Variants in STK3 observed in about 807,000 individuals in gnomAD.
STK3 encodes the protein serine/threonine kinase 3.
STK3 carries 41 observed loss-of-function variants against 58.0 expected under a neutral mutation model. The observed-to-expected ratio is 0.71, with a 90% CI of 0.55 to 0.92. The LOEUF is 0.92. Ranked by LOEUF, STK3 falls within the 40% of genes least tolerant of loss-of-function variation. The pLI is 0.00. For missense variants in STK3, 479 were observed against 602.7 expected, an observed-to-expected ratio of 0.79 and a Z score of 2.15; for synonymous variants, 170 against 191.0, an observed-to-expected ratio of 0.89 and a Z score of 0.91.
At chr8:98,400,314 C>A (rs753682729), downstream of STK3, among the ~76,000 whole-genome samples, 7 of 152,218 alleles carry the variant, frequency 4.6e-5, no homozygotes, top group Non-Finnish European at 8.8e-5. Context: ...AAGCCCAGAG[C>A]AAGGCAACAG....
At chr8:98,396,023 ATGT>A (rs1049944649) in intron 3 of STK3, among the ~76,000 whole-genome samples, 45 of 152,362 alleles carry the variant, frequency 3.0e-4, no homozygotes, top group African/African-American at 1.1e-3. Context: ...CTTCAGTGAA[ATGT>A]TGTGTATTAA....
chr8:98,696,615 C>A lies in STK3; in HGVS notation c.684+9852G>T, dbSNP rs1824965871. ...CCTTTTCTGCATCTATTGAGATAAT[C>A]ATGTGGTTTTTGTCTTTCGTTCTGT... is the stretch of plus-strand genomic sequence containing the variant. On this transcript the variant is annotated intron_variant, in intron 6 of 10. Coordinates refer to ENST00000419617, the MANE Select transcript of STK3 (RefSeq NM_006281.4). 3.3e-5 allele frequency among the ~76,000 whole-genome samples: 5 copies of A among 152,188 alleles called. No homozygotes were observed. In the South Asian group the frequency reaches 8.3e-4, roughly 25 times the overall value.
intron 3 of STK3, among the ~76,000 whole-genome samples, chr8:98,866,585 A>C (rs1283896093): frequency 6.6e-6 from 1 of 152,202 alleles, no homozygotes; most frequent in Non-Finnish European, 1.5e-5. Context: ...GAGTTTATTG[A>C]ATACGTACCG....
At chr8:98,415,768 C>T (rs1818108186) in intron 3 of STK3, among the ~76,000 whole-genome samples, 1 of 152,198 alleles carries the variant, frequency 6.6e-6, no homozygotes, top group Non-Finnish European at 1.5e-5. Context: ...TCCAGGCTAA[C>T]TGAACAGATG....
chr8:98,445,255 C>T (rs985636963), intron 1 of STK3, among the ~76,000 whole-genome samples: 2 of 152,088 alleles, frequency 1.3e-5, no homozygotes, highest in Admixed American at 6.5e-5. Flanking sequence ...AATGGATATA[C>T]ATTTCATTTA....
intron 6 of STK3, among the ~76,000 whole-genome samples, chr8:98,672,941 G>T (rs1263012246): frequency 6.6e-6 from 1 of 151,694 alleles, no homozygotes; most frequent in Non-Finnish European, 1.5e-5. Context: ...ATACTTCAAG[G>T]GATTCAAGAA....
At chr8:98,638,159 C>T (rs1289836735) in intron 6 of STK3, among the ~76,000 whole-genome samples, 2 of 152,078 alleles carry the variant, frequency 1.3e-5, no homozygotes, top group Non-Finnish European at 2.9e-5. Context: ...TGCTTTCATA[C>T]AAAAAACCTA....
chr8:98,582,268 T>C (rs1813973119), intron 7 of STK3, among the ~76,000 whole-genome samples: 1 of 152,056 alleles, frequency 6.6e-6, no homozygotes, highest in Non-Finnish European at 1.5e-5. Flanking sequence ...GGTACATTCA[T>C]CTTTTTCTTG....
chr8:98,656,777 T>A lies in STK3; in HGVS notation c.684+49690A>T, dbSNP rs530877903. On this transcript the variant is annotated intron_variant, in intron 6 of 10. Transcript: ENST00000419617. ...GAAAGATTTATTGTTTATAACTGTT[T>A]CTTCTTCATAATCTTTCAAGGCCTC... Among the ~76,000 whole-genome samples, 21 of 152,252 alleles carry A rather than the reference T, an allele frequency of 1.4e-4. No individual in the cohort carries two copies. In the South Asian group the frequency reaches 4.3e-3, roughly 32 times the overall value.
At chr8:98,846,856 T>TACACACACACACACACACAC (rs374739035) in intron 3 of STK3, among the ~76,000 whole-genome samples, 149 of 143,404 alleles carry the variant, frequency 1.0e-3, no homozygotes, top group African/African-American at 3.6e-3. Context: ...TTCAGGATCC[T>TACACACACACACACACACAC]ACACACACAC....
chr8:98,804,382 C>T (rs1833778588), intron 1 of STK3, among the ~76,000 whole-genome samples: 1 of 152,108 alleles, frequency 6.6e-6, no homozygotes, highest in African/African-American at 2.4e-5. Context: ...GATAAGAAAA[C>T]GTTAAGACTT....
downstream of STK3, among the ~76,000 whole-genome samples, chr8:98,367,557 T>C (rs1259532378): frequency 1.3e-5 from 2 of 152,226 alleles, no homozygotes; most frequent in African/African-American, 4.8e-5. Context: ...AGCAAGCCTG[T>C]CTACTGAATG....
intron 1 of STK3, among the ~76,000 whole-genome samples, chr8:98,923,899 T>A (rs1839684015): frequency 6.7e-6 from 1 of 149,738 alleles, no homozygotes; most frequent in African/African-American, 2.5e-5. Flanking sequence ...GGGAGAGAAT[T>A]TGGAACCATA....
At chr8:98,634,491 C>T (rs1346294408) in intron 6 of STK3, among the ~76,000 whole-genome samples, 1 of 151,738 alleles carries the variant, frequency 6.6e-6, no homozygotes, top group African/African-American at 2.4e-5. Context: ...CAGAGTGAGA[C>T]CCTGTCTCAA....
intron 10 of STK3, among the ~76,000 whole-genome samples, chr8:98,512,164 T>A (rs909567147): frequency 6.6e-6 from 1 of 150,774 alleles, no homozygotes; most frequent in Non-Finnish European, 1.5e-5. Flanking sequence ...ATGTTCCCCC[T>A]CCTGTGTCCA....
intron 4 of STK3, among the ~76,000 whole-genome samples, chr8:98,729,922 C>A (rs1563937112): frequency 1.3e-5 from 2 of 152,184 alleles, no homozygotes; most frequent in African/African-American, 4.8e-5. Flanking sequence ...CTTTCCATAT[C>A]ACTACTTAAC....
intron 1 of STK3, among the ~76,000 whole-genome samples, chr8:98,917,994 T>C (rs1839405879): frequency 6.6e-6 from 1 of 152,260 alleles, no homozygotes; most frequent in Non-Finnish European, 1.5e-5. Flanking sequence ...AGTGTTCATG[T>C]AGTGCTTTCT....
chr8:98,520,027 C>A (rs1303829167), intron 10 of STK3, among the ~76,000 whole-genome samples: 1 of 152,050 alleles, frequency 6.6e-6, no homozygotes, highest in Non-Finnish European at 1.5e-5. Context: ...CAAAATATAT[C>A]TATTTAAATA....
chr8:98,843,653 T>C (rs1396535384), intron 3 of STK3, among the ~76,000 whole-genome samples: 1 of 152,226 alleles, frequency 6.6e-6, no homozygotes, highest in Non-Finnish European at 1.5e-5. Context: ...GGCTTGACCA[T>C]TCCCTAGCAG....
Sources: allele counts gnomAD v4.1 joint callset (sites outside exome capture counted in the v4.1 genomes callset), GRCh38; gene constraint gnomAD v4.1.1; transcripts MANE v1.5; gene names NCBI Gene and HGNC (gene_info 2026-07-23, HGNC 2026-07-21).